RUFY3: variants seen among roughly 807,000 people sequenced by gnomAD.
RUFY3 encodes the protein RUN and FYVE domain containing 3.
A neutral mutation model predicts 84.0 loss-of-function variants in RUFY3; 34 were observed. The observed-to-expected ratio is 0.40, with a 90% confidence interval of 0.31 to 0.54. The LOEUF (loss-of-function observed/expected upper bound fraction) is 0.54. Ranked by LOEUF, RUFY3 falls within the 20% of genes least tolerant of loss-of-function variation. The pLI is 0.39. For synonymous variants in RUFY3, 242 were observed against 252.9 expected, an observed-to-expected ratio of 0.96 and a Z score of 0.41; for missense variants, 507 against 736.8, an observed-to-expected ratio of 0.69 and a Z score of 3.61.
Position 70,730,435 on chromosome 4 carries a change from A to G in RUFY3, c.178+7684A>G, listed in dbSNP as rs200731129. Among the ~76,000 whole-genome samples the G allele has an allele frequency of 1.1e-4, 16 of 152,038 alleles. No individual in the cohort carries two copies. The East Asian group carries it at 2.7e-3, about 26-fold the overall frequency. ...AGCCTAGGTACAACTATTACCCCCAATTTACAAATAAACTGACATTTGGCC... is the reference window on the plus strand; with the variant it reads ...AGCCTAGGTACAACTATTACCCCCAGTTTACAAATAAACTGACATTTGGCC... On this transcript the variant is annotated intron_variant, in intron 1 of 17. Coordinates refer to ENST00000381006, the MANE Select transcript of RUFY3 (RefSeq NM_001037442.4).
chr4:70,787,389 C>G (rs1159921091), intron 10 of RUFY3, among the ~76,000 whole-genome samples: 2 of 150,600 alleles, frequency 1.3e-5, no homozygotes, highest in African/African-American at 4.9e-5. Flanking sequence ...TCCTGAATGG[C>G]TGGAATTACA....
chr4:70,759,765 A>G (rs576016314), intron 1 of RUFY3, among the ~76,000 whole-genome samples: 47 of 152,312 alleles, frequency 3.1e-4, no homozygotes, highest in African/African-American at 9.6e-4. Flanking sequence ...TCAAATTACT[A>G]TAACAGATTT....
intron 12 of RUFY3, chr4:70,793,201 A>G (rs1731080148): frequency 1.0e-6 from 1 of 986,198 alleles, no homozygotes; most frequent in Middle Eastern, 5.2e-4. Flanking sequence ...TGGGAAAGGA[A>G]GGAGACAGCC....
At chr4:70,782,505 G>A (rs557190416) in intron 8 of RUFY3, among the ~76,000 whole-genome samples, 6 of 151,882 alleles carry the variant, frequency 4.0e-5, no homozygotes, top group Non-Finnish European at 7.4e-5. Flanking sequence ...GGATGGTCTC[G>A]ATCTCCTGAC....
At chr4:70,735,852 G>T (rs1481431313) in intron 1 of RUFY3, among the ~76,000 whole-genome samples, 1 of 152,096 alleles carries the variant, frequency 6.6e-6, no homozygotes, top group Non-Finnish European at 1.5e-5. Flanking sequence ...GCCGGGCATG[G>T]TGGCGGATAC....
At chr4:70,739,990 C>CAAAA (rs551882326) in intron 1 of RUFY3, among the ~76,000 whole-genome samples, 8 of 47,704 alleles carry the variant, frequency 1.7e-4, no homozygotes, top group South Asian at 6.4e-4. Flanking sequence ...AACTCCGTCT[C>CAAAA]AAAAAAAAAA....
chr4:70,749,629 AAGC>A (rs1174944248), intron 1 of RUFY3, among the ~76,000 whole-genome samples: 2 of 151,646 alleles, frequency 1.3e-5, no homozygotes, highest in Non-Finnish European at 2.9e-5. Context: ...GAGTAAGAGA[AAGC>A]AGAATTACTT....
At chr4:70,781,198 C>G (rs1728857555) in intron 8 of RUFY3, among the ~76,000 whole-genome samples, 1 of 152,056 alleles carries the variant, frequency 6.6e-6, no homozygotes, top group Admixed American at 6.6e-5. Flanking sequence ...TAAATATCCA[C>G]TTCAGGCCTG....
intron 5 of RUFY3, among the ~76,000 whole-genome samples, chr4:70,771,195 ATGC>A (rs1578157397): frequency 6.6e-6 from 1 of 152,344 alleles, no homozygotes; most frequent in East Asian, 1.9e-4. Context: ...AAGCGAGCAC[ATGC>A]TGTTGGAAAA....
At chr4:70,731,690 C>T (rs1719300443) in intron 1 of RUFY3, among the ~76,000 whole-genome samples, 1 of 152,100 alleles carries the variant, frequency 6.6e-6, no homozygotes, top group Non-Finnish European at 1.5e-5. Context: ...GCCTCAGCCT[C>T]CTGAGTAGCT....
At chr4:70,748,822 T>G (rs1722646662) in intron 1 of RUFY3, among the ~76,000 whole-genome samples, 2 of 152,144 alleles carry the variant, frequency 1.3e-5, no homozygotes, top group Non-Finnish European at 2.9e-5. Flanking sequence ...CGTCTCTCAT[T>G]ATCAGGTTCA....
chr4:70,729,666 AGTAGT>A (rs1718893311), intron 1 of RUFY3, among the ~76,000 whole-genome samples: 1 of 152,238 alleles, frequency 6.6e-6, no homozygotes, highest in South Asian at 2.1e-4. Flanking sequence ...TATTTATATT[AGTAGT>A]TATTCATGAA....
intron 15 of RUFY3, among the ~76,000 whole-genome samples, chr4:70,801,590 A>G (rs1218504540): frequency 6.6e-6 from 1 of 152,214 alleles, no homozygotes; most frequent in Non-Finnish European, 1.5e-5. Context: ...TGAGAGAACT[A>G]TACAGCTGTC....
rs1022029180 is a variant in RUFY3, at chr4:70,794,863, G to A, written c.1526G>A (p.Gly509Glu). Residue 509 changes from glycine to glutamate, a missense_variant, in exon 14 of 18, where the codon GGA (glycine) becomes GAA (glutamate). Physicochemically the swap from Gly to Glu is moderately conservative, Grantham distance 98. Transcript: ENST00000381006. ...RRLQNDRSIP[G>E]RGSQKSESKM... is the part of the protein sequence containing the mutation. ...TTACAAAACGACAGGAGCATCCCAG[G>A]AAGGGGTTCCCAGAAGTCAGAATCC... 6.2e-7 allele frequency: 1 copy of A among 1,611,912 alleles called. No individual in the cohort carries two copies. Among genetic ancestry groups the A allele is most frequent in the African/African-American group, 1.3e-5 (1 of 74,850 alleles).
At chr4:70,804,820 G>T (rs1732664420) in intron 17 of RUFY3, among the ~76,000 whole-genome samples, 1 of 151,488 alleles carries the variant, frequency 6.6e-6, no homozygotes, top group South Asian at 2.1e-4. Flanking sequence ...AGCTACTCAG[G>T]TTGCTGAGGC....
intron 1 of RUFY3, among the ~76,000 whole-genome samples, chr4:70,750,042 C>T (rs140115736): frequency 0.014 from 2,145 of 151,744 alleles, 26 homozygotes; most frequent in Middle Eastern, 0.051. Flanking sequence ...ACCCTGTTGC[C>T]CAGGCCAGAG....
chr4:70,767,152 C>G (rs1205029526), intron 4 of RUFY3, among the ~76,000 whole-genome samples: 2 of 151,684 alleles, frequency 1.3e-5, no homozygotes, highest in African/African-American at 4.8e-5. Context: ...GTGGCACGAT[C>G]TCAGCTCACC....
Position 70,764,485 on chromosome 4 carries a change from G to C in RUFY3, c.481G>C (p.Gly161Arg). ...KDLPGLKTPV[G>R]RGRAWLRLAL... ...TCTGTGTTTTTGTAGGACACCAGTA[G>C]GTAGAGGAAGAGCCTGGCTTCGTTT... Residue 161 changes from glycine to arginine, a missense_variant, in exon 4 of 18, where the codon GGT (glycine) becomes CGT (arginine). Coordinates refer to ENST00000381006, the MANE Select transcript of RUFY3 (RefSeq NM_001037442.4). 1 of 1,611,624 alleles carries C rather than the reference G, an allele frequency of 6.2e-7. No homozygotes were observed. Among genetic ancestry groups the C allele is most frequent in the Admixed American group, 1.7e-5 (1 of 59,916 alleles).
intron 17 of RUFY3, among the ~76,000 whole-genome samples, chr4:70,805,747 T>A (rs1715234605): frequency 2.6e-5 from 4 of 152,206 alleles, no homozygotes; most frequent in Admixed American, 2.6e-4. Context: ...TTCTTAGGCT[T>A]TCAGATAAAA....
Sources: gnomAD v4.1 joint callset for allele counts (sites outside exome capture counted in the v4.1 genomes callset) on GRCh38, gnomAD v4.1.1 for gene constraint, MANE v1.5 for transcripts, NCBI Gene and HGNC (gene_info 2026-07-23, HGNC 2026-07-21) for gene names.